GAS7: variants seen among roughly 807,000 people sequenced by gnomAD.
GAS7 encodes growth arrest specific 7, also known as growth arrest-specific protein 7.
GAS7 carries 28 observed loss-of-function variants against 71.1 expected under a neutral mutation model. The ratio of observed to expected loss-of-function variants is 0.39; its 90% confidence interval spans 0.29 to 0.54. The LOEUF is 0.54. Ranked by LOEUF, GAS7 falls within the 20% of genes least tolerant of loss-of-function variation. The pLI is 0.62. For missense variants in GAS7, 436 were observed against 627.8 expected, an observed-to-expected ratio of 0.69 and a Z score of 3.27; for synonymous variants, 258 against 245.8, an observed-to-expected ratio of 1.05 and a Z score of -0.46.
intron 11 of GAS7, 80 bp downstream of exon 11, chr17:9,925,396 C>A: frequency 1.4e-6 from 2 of 1,451,464 alleles, no homozygotes; most frequent in Non-Finnish European, 1.9e-6. Flanking sequence ...GATGCACCCT[C>A]GCCAGTCACC....
intron 1 of GAS7, among the ~76,000 whole-genome samples, chr17:10,174,449 C>G (rs912890686): frequency 1.1e-4 from 16 of 152,100 alleles, no homozygotes; most frequent in African/African-American, 3.9e-4. Context: ...TCCCAGCACT[C>G]TGGGAGGCCG....
chr17:10,100,937 G>A (rs937590138), intron 1 of GAS7, among the ~76,000 whole-genome samples: 2 of 152,120 alleles, frequency 1.3e-5, no homozygotes, highest in East Asian at 1.9e-4. Context: ...GTTATTTACT[G>A]GGTGTAACAA....
intron 1 of GAS7, among the ~76,000 whole-genome samples, chr17:10,059,974 G>A (rs1279840961): frequency 2.0e-5 from 3 of 152,178 alleles, no homozygotes; most frequent in Non-Finnish European, 4.4e-5. Context: ...GAGGGTGGGT[G>A]GGATGCCTCT....
intron 2 of GAS7, among the ~76,000 whole-genome samples, chr17:10,018,790 G>T (rs2072144161): frequency 6.6e-6 from 1 of 152,154 alleles, no homozygotes; most frequent in South Asian, 2.1e-4. Flanking sequence ...GGTGGGAAGG[G>T]GTGGTCATGT....
intron 11 of GAS7, among the ~76,000 whole-genome samples, chr17:9,924,228 C>G (rs2067916797): frequency 6.6e-6 from 1 of 152,170 alleles, no homozygotes; most frequent in African/African-American, 2.4e-5. Context: ...GGCTGGAATG[C>G]AATGGTGTGA....
chr17:10,138,189 T>C (rs2074054439), intron 1 of GAS7, among the ~76,000 whole-genome samples: 1 of 151,506 alleles, frequency 6.6e-6, no homozygotes, highest in Non-Finnish European at 1.5e-5. Context: ...ATGGTCTCGA[T>C]CTCCTAAACT....
At chr17:10,150,235 A>C (rs2074153888) in intron 1 of GAS7, among the ~76,000 whole-genome samples, 1 of 152,228 alleles carries the variant, frequency 6.6e-6, no homozygotes. Flanking sequence ...AACTCCCAAG[A>C]GGAAGTGTGG....
rs573064376 is a variant in GAS7 at position 10,069,141 on chromosome 17, C to A, written c.184-49244G>T. Among the ~76,000 whole-genome samples the A allele has an allele frequency of 5.3e-5, 8 of 152,282 alleles. No individual in the cohort carries two copies. In the East Asian group the frequency reaches 1.5e-3, roughly 29 times the overall value. Reference sequence around the variant, plus strand: ...TACTATTCAGGGAATAGTGGGAGCCCTTCCTAAATGCAAGTTCCCAGACAC... The same window carrying A: ...TACTATTCAGGGAATAGTGGGAGCCATTCCTAAATGCAAGTTCCCAGACAC... On this transcript the variant is annotated intron_variant, in intron 1 of 13. Transcript: ENST00000432992.
At chr17:10,122,154 C>T (rs578218588) in intron 1 of GAS7, among the ~76,000 whole-genome samples, 4 of 152,290 alleles carry the variant, frequency 2.6e-5, no homozygotes, top group South Asian at 4.1e-4. Context: ...CTGCATCTCC[C>T]GGGAGCACAC....
chr17:10,060,366 C>CAA (rs2073206747), intron 1 of GAS7, among the ~76,000 whole-genome samples: 1 of 152,186 alleles, frequency 6.6e-6, no homozygotes, highest in African/African-American at 2.4e-5. Flanking sequence ...GCAGGGTCTT[C>CAA]AACCTCATGA....
chr17:10,041,120 CAG>C, intron 1 of GAS7, among the ~76,000 whole-genome samples: 1 of 146,062 alleles, frequency 6.8e-6, no homozygotes, highest in South Asian at 2.1e-4. Context: ...CAAGATCGTG[CAG>C]CTGCACTCCG....
At chr17:9,920,799 C>A (rs1392111238) in intron 11 of GAS7, among the ~76,000 whole-genome samples, 2 of 152,176 alleles carry the variant, frequency 1.3e-5, no homozygotes, top group Non-Finnish European at 2.9e-5. Flanking sequence ...CATGAGTGAA[C>A]CCCAAAGTGA....
chr17:10,047,845 A>T (rs1027700251), intron 1 of GAS7, among the ~76,000 whole-genome samples: 1 of 152,228 alleles, frequency 6.6e-6, no homozygotes, highest in Admixed American at 6.5e-5. Context: ...AGTGTCCCCA[A>T]ATTGCAAAGG....
chr17:9,944,691 G>A (rs1196582028), intron 6 of GAS7, among the ~76,000 whole-genome samples: 2 of 152,196 alleles, frequency 1.3e-5, no homozygotes, highest in East Asian at 3.9e-4. Context: ...TGATGACAGG[G>A]AGATCACCAT....
At chr17:10,133,107 A>ATT (rs1255764242) in intron 1 of GAS7, among the ~76,000 whole-genome samples, 2 of 131,216 alleles carry the variant, frequency 1.5e-5, no homozygotes, top group Non-Finnish European at 3.3e-5. Flanking sequence ...TTATAATTAG[A>ATT]TTATATATTT....
intron 8 of GAS7, among the ~76,000 whole-genome samples, chr17:9,939,100 A>G (rs1000407310): frequency 4.6e-5 from 7 of 152,116 alleles, no homozygotes; most frequent in Admixed American, 4.6e-4. Context: ...TGCTGTGTAC[A>G]TGTGTATACA....
At chr17:10,088,244 T>TAATAAC (rs1390490219) in intron 1 of GAS7, among the ~76,000 whole-genome samples, 4 of 147,650 alleles carry the variant, frequency 2.7e-5, no homozygotes, top group Non-Finnish European at 6.0e-5. Flanking sequence ...ATAATAATAA[T>TAATAAC]AATAATAATA....
intron 1 of GAS7, among the ~76,000 whole-genome samples, chr17:10,149,920 G>A (rs2074150652): frequency 6.6e-6 from 1 of 152,140 alleles, no homozygotes; most frequent in Non-Finnish European, 1.5e-5. Context: ...GACAGAAATC[G>A]ATTAGTAGTT....
At chr17:10,135,661 T>C (rs2074032112) in intron 1 of GAS7, among the ~76,000 whole-genome samples, 3 of 152,286 alleles carry the variant, frequency 2.0e-5, no homozygotes. Flanking sequence ...ATGCCTTCTT[T>C]TTCTTTCCTA....
Sources: allele counts gnomAD v4.1 joint callset (sites outside exome capture counted in the v4.1 genomes callset), GRCh38; gene constraint gnomAD v4.1.1; transcripts MANE v1.5; gene names NCBI Gene and HGNC (gene_info 2026-07-23, HGNC 2026-07-21).